SETD4: variants seen among roughly 807,000 people sequenced by gnomAD.
SETD4 encodes SET domain-containing protein 4.
A neutral mutation model predicts 58.3 loss-of-function variants in SETD4; 46 were observed. The observed-to-expected ratio is 0.79, with a 90% confidence interval of 0.62 to 1.01. The LOEUF is 1.01. SETD4 is among the 50% of genes least tolerant of loss of function. SETD4 has a pLI of 0.00. For synonymous variants in SETD4, 190 were observed against 202.6 expected (o/e 0.94, Z 0.53); for missense variants, 490 against 523.3 (o/e 0.94, Z 0.62).
intron 6 of SETD4, among the ~76,000 whole-genome samples, chr21:36,045,266 G>T (rs1413100530): frequency 6.6e-6 from 1 of 152,222 alleles, no homozygotes; most frequent in Non-Finnish European, 1.5e-5. Flanking sequence ...CTTCAGTCCC[G>T]GAAGGAGGAA....
intron 7 of SETD4, chr21:36,043,238 G>T: frequency 6.1e-6 from 1 of 163,450 alleles, no homozygotes; most frequent in Non-Finnish European, 1.3e-5. Context: ...TCCAGCCTGA[G>T]CAACAGAGTG....
chr21:36,058,905 C>A lies in SETD4; in HGVS notation c.-17G>T, dbSNP rs1568945029. 6 of 1,573,372 alleles carry A rather than the reference C, an allele frequency of 3.8e-6. No individual in the cohort carries two copies. The highest frequency in any genetic ancestry group is 1.2e-5 in the South Asian group (1 of 81,586). ...TTTCTGCATGCTAAAACTGTAGTTT[C>A]TTTTTTCTGAAATACAGTTCTATTT... On this transcript the variant is annotated 5_prime_UTR_variant, in exon 2 of 12. Coordinates refer to ENST00000332131, the MANE Select transcript of SETD4 (RefSeq NM_017438.5).
intron 10 of SETD4, among the ~76,000 whole-genome samples, chr21:36,037,498 G>A (rs1297251303): frequency 1.3e-5 from 2 of 151,484 alleles, no homozygotes; most frequent in African/African-American, 2.4e-5. Context: ...CCAGCTACTC[G>A]GGAGGCTGAG....
intron 1 of SETD4, chr21:36,059,813 T>C: frequency 5.1e-6 from 5 of 985,488 alleles, no homozygotes; most frequent in Non-Finnish European, 6.0e-6. Context: ...ATAAGGTTCA[T>C]TATTTGACCT....
At chr21:36,052,474 C>G (rs2064759004) in intron 4 of SETD4, among the ~76,000 whole-genome samples, 3 of 148,500 alleles carry the variant, frequency 2.0e-5, no homozygotes, top group Non-Finnish European at 1.5e-5. Context: ...AAAAGAATTG[C>G]TTGAACCCAG....
At chr21:36,058,676 C>T (rs1388342723) in intron 2 of SETD4, 140 bp downstream of exon 2, 2 of 930,078 alleles carry the variant, frequency 2.2e-6, no homozygotes, top group Non-Finnish European at 1.6e-6. Context: ...CAAGATGACA[C>T]CACTGCACTC....
At chr21:36,056,759 T>C (rs1268455478) in intron 3 of SETD4, among the ~76,000 whole-genome samples, 5 of 152,088 alleles carry the variant, frequency 3.3e-5, no homozygotes, top group Non-Finnish European at 7.4e-5. Flanking sequence ...GATGTTGTCA[T>C]GTTGGCCAGG....
At chr21:36,040,517 C>T in intron 9 of SETD4, 58 bp downstream of exon 9, 1 of 1,481,996 alleles carries the variant, frequency 6.7e-7, no homozygotes, top group East Asian at 2.3e-5. Context: ...CAAACCAACC[C>T]TCCAAAGTTA....
intron 4 of SETD4, among the ~76,000 whole-genome samples, chr21:36,052,478 A>G (rs1181449743): frequency 6.6e-6 from 1 of 151,292 alleles, no homozygotes; most frequent in Non-Finnish European, 1.5e-5. Context: ...GAATTGCTTG[A>G]ACCCAGGAGA....
chr21:36,043,337 G>C (rs1568910750), intron 7 of SETD4: 1 of 388,072 alleles, frequency 2.6e-6, no homozygotes, highest in Non-Finnish European at 3.5e-6. Flanking sequence ...TCTCACCATG[G>C]CAACAACCTC....
chr21:36,049,136 G>A (rs1480582342), intron 4 of SETD4, among the ~76,000 whole-genome samples: 1 of 152,070 alleles, frequency 6.6e-6, no homozygotes, highest in Non-Finnish European at 1.5e-5. Context: ...TGTCTCCCAC[G>A]GAGATAGAAC....
At chr21:36,060,238 C>G (rs572763028) in intron 1 of SETD4, 109 bp downstream of exon 1, 8 of 570,818 alleles carry the variant, frequency 1.4e-5, no homozygotes, top group Admixed American at 6.3e-5. Flanking sequence ...GCGACCTAAA[C>G]TCAGTTCTTT....
At chr21:36,046,145 G>GTTCC (rs1209103488) in intron 5 of SETD4, 134 bp from the exon 6 acceptor site, 26 of 928,956 alleles carry the variant, frequency 2.8e-5, no homozygotes, top group Admixed American at 5.7e-5. Flanking sequence ...AGACTCAAGA[G>GTTCC]TTCCTTCCTT....
In SETD4 at chr21:36,057,093, G is replaced by GA. The variant is rs1251666780; in HGVS notation, c.169+15dup. The GA allele has an allele frequency of 6.2e-7, 1 of 1,610,320 alleles. No homozygotes were observed. Among genetic ancestry groups the GA allele is most frequent in the Non-Finnish European group, 8.5e-7 (1 of 1,176,568 alleles). On this transcript the variant is annotated intron_variant, in intron 3 of 11. Coordinates refer to ENST00000332131, the MANE Select transcript of SETD4 (RefSeq NM_017438.5). ...TCGTGTGGGAAAGGGCAGGACAGCT[G>GA]AAGGCTAGATCTTACCTGGAAAACA...
At chr21:36,059,015 T>C in intron 1 of SETD4, 91 bp from the exon 2 acceptor site, 2 of 1,347,460 alleles carry the variant, frequency 1.5e-6, no homozygotes, top group Non-Finnish European at 2.0e-6. Flanking sequence ...TCCAGTTATA[T>C]GATAATCACT....
At chr21:36,044,097 G>A in intron 6 of SETD4, 141 bp from the exon 7 acceptor site, 3 of 1,040,106 alleles carry the variant, frequency 2.9e-6, no homozygotes, top group South Asian at 1.7e-5. Context: ...TAGGGAAAAT[G>A]CCACTTCCGG....
At chr21:36,041,369 C>G (rs1372281691) in intron 8 of SETD4, among the ~76,000 whole-genome samples, 1 of 152,042 alleles carries the variant, frequency 6.6e-6, no homozygotes, top group African/African-American at 2.4e-5. Context: ...AAAAGAAAAT[C>G]TGAAAGGGAG....
intron 3 of SETD4, 82 bp downstream of exon 3, chr21:36,057,027 A>C: frequency 9.4e-7 from 1 of 1,069,326 alleles, no homozygotes; most frequent in Non-Finnish European, 1.5e-6. Context: ...ATATCTGCTG[A>C]GGCCCACCTG....
Position 36,039,498 on chromosome 21 carries a change from A to C in SETD4, c.1064+1077T>G, listed in dbSNP as rs543720754. Among the ~76,000 whole-genome samples, 6 of 152,258 alleles carry C rather than the reference A, an allele frequency of 3.9e-5. No homozygotes were observed. The South Asian group carries it at 1.2e-3, about 31-fold the overall frequency. ...GCCAGAAGGATTTAAAGAAGCTAAC[A>C]TAAGTACACACAAAATAAAAGGTAA... is the stretch of plus-strand genomic sequence containing the variant. On this transcript the variant is annotated intron_variant, in intron 9 of 11. Transcript: ENST00000332131.
Sources: gnomAD v4.1 joint callset for allele counts (sites outside exome capture counted in the v4.1 genomes callset) on GRCh38, gnomAD v4.1.1 for gene constraint, MANE v1.5 for transcripts, NCBI Gene and HGNC (gene_info 2026-07-23, HGNC 2026-07-21) for gene names.